SBSN: variants seen among roughly 807,000 people sequenced by gnomAD.
SBSN encodes HLAR698.
In SBSN, 33 loss-of-function variants were observed where a neutral mutation model predicts 42.8. The observed-to-expected ratio is 0.77, with a 90% CI of 0.58 to 1.03. SBSN has a LOEUF of 1.03. SBSN is among the 50% of genes least tolerant of loss of function. The probability of loss-of-function intolerance (pLI) is 0.00; values close to 1 mark genes in which losing one functional copy is unlikely to be tolerated. For missense variants in SBSN, 646 were observed against 757.3 expected, an observed-to-expected ratio of 0.85 and a Z score of 1.72; for synonymous variants, 276 against 307.0, an observed-to-expected ratio of 0.90 and a Z score of 1.06.
Position 35,526,545 on chromosome 19 carries a change from G to A in SBSN, c.1638+99C>T, listed in dbSNP as rs979967154. 3.2e-5 allele frequency: 36 copies of A among 1,118,362 alleles called. No homozygotes were observed. In the Middle Eastern group the frequency reaches 9.1e-4, roughly 28 times the overall value. The allele number at this position is 1,118,362 out of a possible 1,614,324, so 69.3% of individuals were successfully genotyped here. ...GCCCAAGCTTCTTTCACCAAACAAA[G>A]GCTACGCGGACCCCCCCGCCCCGCC... On this transcript the variant is annotated intron_variant, in intron 1 of 3. Coordinates refer to ENST00000452271, the MANE Select transcript of SBSN (RefSeq NM_001166034.2).
At chr19:35,523,967 T>A (rs1291332230) in intron 3 of SBSN, among the ~76,000 whole-genome samples, 1 of 152,152 alleles carries the variant, frequency 6.6e-6, no homozygotes, top group Non-Finnish European at 1.5e-5. Flanking sequence ...TCACTTGAGA[T>A]CAGGAGTTCG....
chr19:35,524,111 C>T (rs1263029380), intron 3 of SBSN, among the ~76,000 whole-genome samples: 2 of 152,198 alleles, frequency 1.3e-5, no homozygotes, highest in African/African-American at 2.4e-5. Flanking sequence ...ACCCAGAAGA[C>T]GGAGGTTGCA....
intron 1 of SBSN, 50 bp from the exon 2 acceptor site, chr19:35,524,974 C>T: frequency 1.3e-6 from 2 of 1,591,298 alleles, no homozygotes; most frequent in Non-Finnish European, 1.7e-6. Flanking sequence ...CGCGGAGGGT[C>T]TCCCAGTTCC....
intron 1 of SBSN, 35 bp downstream of exon 1, chr19:35,526,609 C>T: frequency 7.7e-7 from 1 of 1,292,210 alleles, no homozygotes. Flanking sequence ...CCCCCAACCC[C>T]CCTGTCCCCC....
chr19:35,524,275 C>T (rs778714411), intron 3 of SBSN, among the ~76,000 whole-genome samples: 14 of 152,192 alleles, frequency 9.2e-5, no homozygotes, highest in Non-Finnish European at 1.5e-4. Flanking sequence ...GGTGACCTTG[C>T]ACCAGGGAGA....
rs373195229 is a variant in SBSN, at chr19:35,524,871, C to A, written c.1692G>T (p.Pro564=). ...AGTCCGCGCTTACCCCAGAGGCTAACGGCGTGGTTGTGGCCCCTCCTTGAT... is the reference window on the plus strand; with the variant it reads ...AGTCCGCGCTTACCCCAGAGGCTAAAGGCGTGGTTGTGGCCCCTCCTTGAT... ...SSHQGGATTT[P]LASGASVNTP... The change falls in exon 2 of 4, where the codon CCG becomes CCT. Residue 564 remains proline (P), a synonymous_variant. Transcript: ENST00000452271. The A allele has an allele frequency of 2.8e-5, 45 of 1,613,992 alleles. No homozygotes were observed. The highest frequency in any genetic ancestry group is 3.8e-5 in the Non-Finnish European group (45 of 1,180,012).
chr19:35,526,639 C>A lies in SBSN; in HGVS notation c.1638+5G>T. The A allele has an allele frequency of 1.5e-6, 2 of 1,321,308 alleles. No individual in the cohort carries two copies. The highest frequency in any genetic ancestry group is 2.1e-6 in the Non-Finnish European group (2 of 968,964). 81.8% of individuals were successfully genotyped at this position (1,321,308 alleles called of 1,614,324 possible). A position where few individuals can be genotyped will look rare whatever the true frequency, so the allele number is the denominator to read the frequency against. On this transcript the variant is annotated splice_donor_5th_base_variant and intron_variant, in intron 1 of 3. Transcript: ENST00000452271. ...TCCCCCATCTCCCCATCCCTGTTCA[C>A]CTACATTCAGCAGCTGGTTGGCCTC...
chr19:35,523,661 G>C, intron 3 of SBSN, 128 bp from the exon 4 acceptor site: 1 of 950,614 alleles, frequency 1.1e-6, no homozygotes, highest in South Asian at 1.3e-5. Flanking sequence ...TTATGTTCTG[G>C]GGAAGTTTCA....
At position 35,528,234 on chromosome 19, in the gene SBSN, C is replaced by A. The variant is rs769332034; in HGVS notation, c.48G>T (p.Leu16=). ...TGGCCGCCCATCCAGACAGGGCCCCCAGTAGCAGAAGGAGGGAGCAGGAGC... is the reference window on the plus strand; with the variant it reads ...TGGCCGCCCATCCAGACAGGGCCCCAAGTAGCAGAAGGAGGGAGCAGGAGC... The part of the protein sequence containing the change: ...LVGSCSLLLL[L]GALSGWAASD... Residue 16 remains leucine (L), a synonymous_variant, in exon 1 of 4, where the codon CTG becomes CTT. Transcript: ENST00000452271. 1 of 1,613,744 alleles carries A rather than the reference C, an allele frequency of 6.2e-7. No homozygotes were observed. Among genetic ancestry groups the A allele is most frequent in the Non-Finnish European group, 8.5e-7 (1 of 1,179,980 alleles).
Position 35,526,626 on chromosome 19 carries a change from C to A in SBSN, c.1638+18G>T. On this transcript the variant is annotated intron_variant, in intron 1 of 3. Transcript: ENST00000452271. ...CCCAACCCCCCTGTCCCCCATCTCC[C>A]CATCCCTGTTCACCTACATTCAGCA... is the stretch of plus-strand genomic sequence containing the variant. The A allele has an allele frequency of 6.3e-7, 1 of 1,581,696 alleles. No individual in the cohort carries two copies. Among genetic ancestry groups the A allele is most frequent in the South Asian group, 1.2e-5 (1 of 85,790 alleles).
Position 35,528,148 on chromosome 19 carries a change from C to G in SBSN, c.134G>C (p.Arg45Thr). Residue 45 changes from arginine to threonine, a missense_variant, in exon 1 of 4, where the codon AGA becomes ACA. Arg to Thr is a moderately conservative substitution (Grantham distance 71). This residue lies in a region of SBSN where 190 missense variants were observed against 197.1 expected (regional missense o/e 0.96). Transcript: ENST00000452271. ...GCCATCCAGGGCCTTGCCCACCTCT[C>G]TCTCTGCATTGCTCAGCCCTCGGTT... ...GINRGLSNAEREVGKALDGIN... is the reference protein window; with the variant it reads ...GINRGLSNAETEVGKALDGIN... 6.2e-7 allele frequency: 1 copy of G among 1,614,164 alleles called. No individual in the cohort carries two copies. Among genetic ancestry groups the G allele is most frequent in the Non-Finnish European group, 8.5e-7 (1 of 1,180,038 alleles).
In SBSN at chr19:35,528,253, C is replaced by A; in HGVS notation, c.29G>T (p.Cys10Phe). 1 of 1,612,698 alleles carries A rather than the reference C, an allele frequency of 6.2e-7. No homozygotes were observed. The highest frequency in any genetic ancestry group is 8.5e-7 in the Non-Finnish European group (1 of 1,179,738). Residue 10 changes from cysteine to phenylalanine, a missense_variant, in exon 1 of 4, where the codon TGC (cysteine) becomes TTC (phenylalanine). By Grantham distance (205) the Cys-to-Phe change is radical. This residue lies in a region of SBSN where 190 missense variants were observed against 197.1 expected (regional missense o/e 0.96). Coordinates refer to ENST00000452271, the MANE Select transcript of SBSN (RefSeq NM_001166034.2). ...GGCCCCCAGTAGCAGAAGGAGGGAG[C>A]AGGAGCCGACCAGACGTGCAAGATG... Reference protein sequence around the residue: MHLARLVGSCSLLLLLGALS... With the variant: MHLARLVGSFSLLLLLGALS...
chr19:35,525,916 C>G (rs2071364871), intron 1 of SBSN, among the ~76,000 whole-genome samples: 2 of 152,174 alleles, frequency 1.3e-5, no homozygotes, highest in African/African-American at 4.8e-5. Context: ...CTCCTGAGCT[C>G]AAGTGATCCA....
At position 35,527,219 on chromosome 19, in the gene SBSN, G is replaced by A; in HGVS notation, c.1063C>T (p.His355Tyr). Residue 355 changes from histidine to tyrosine, a missense_variant, in exon 1 of 4, where the codon CAC (histidine) becomes TAC (tyrosine). His to Tyr is a moderately conservative substitution (Grantham distance 83, BLOSUM62 2). Coordinates refer to ENST00000452271, the MANE Select transcript of SBSN (RefSeq NM_001166034.2). ...KETEKFGQGV[H>Y]HAASQFGKET... ...TTCCCAAACTGACTGGCAGCATGGT[G>A]GACCCCCTGGCCAAACTTCTCTGTC... 6.5e-7 allele frequency: 1 copy of A among 1,536,208 alleles called. No homozygotes were observed. The highest frequency in any genetic ancestry group is 8.7e-7 in the Non-Finnish European group (1 of 1,146,520).
At position 35,527,025 on chromosome 19, in the gene SBSN, C is replaced by T. The variant is rs779047363; in HGVS notation, c.1257G>A (p.Ala419=). ...HHGVSQAGRE[A]GQFGHDIHHT... is the part of the protein sequence containing the mutation. Reference sequence around the variant, plus strand: ...GGTGAATGTCGTGGCCAAACTGCCCCGCCTCCCTTCCAGCCTGACTAACGC... The same window carrying T: ...GGTGAATGTCGTGGCCAAACTGCCCTGCCTCCCTTCCAGCCTGACTAACGC... Residue 419 remains alanine, a synonymous_variant, in exon 1 of 4, where the codon GCG becomes GCA. Coordinates refer to ENST00000452271, the MANE Select transcript of SBSN (RefSeq NM_001166034.2). The T allele has an allele frequency of 3.6e-5, 56 of 1,542,728 alleles. 1 individual carries two copies. The highest frequency in any genetic ancestry group is 1.6e-4 in the Admixed American group (8 of 50,846).
Position 35,528,176 on chromosome 19 carries a change from T to C in SBSN, c.106A>G (p.Ile36Val). The part of the protein sequence containing the change: ...DDPIEKVIEG[I>V]NRGLSNAERE... ...TCTGCATTGCTCAGCCCTCGGTTGA[T>C]CCCTTCAATGACCTTCTCAATGGGG... Residue 36 changes from isoleucine (I) to valine (V), a missense_variant, in exon 1 of 4, where the codon ATC becomes GTC. By Grantham distance (29) the Ile-to-Val change is conservative. Transcript: ENST00000452271. 6.2e-7 allele frequency: 1 copy of C among 1,614,042 alleles called. No individual in the cohort carries two copies. The highest frequency in any genetic ancestry group is 8.5e-7 in the Non-Finnish European group (1 of 1,179,996).
At position 35,524,899 on chromosome 19, in the gene SBSN, C is replaced by T. The variant is rs1230334648; in HGVS notation, c.1664G>A (p.Ser555Asn). The T allele has an allele frequency of 6.2e-7, 1 of 1,613,966 alleles. No individual in the cohort carries two copies. Reference protein sequence around the residue: ...LNGNHQSGSSSHQGGATTTPL... With the variant: ...LNGNHQSGSSNHQGGATTTPL... The stretch of plus-strand genomic sequence containing the variant: ...CGTGGTTGTGGCCCCTCCTTGATGG[C>T]TGGAAGATCCGCTTTGATGGTTGCC... The change falls in exon 2 of 4, where the codon AGC becomes AAC. Residue 555 changes from serine (S) to asparagine (N), a missense_variant. By Grantham distance (46) the Ser-to-Asn change is conservative (BLOSUM62 1). Coordinates refer to ENST00000452271, the MANE Select transcript of SBSN (RefSeq NM_001166034.2).
At position 35,528,047 on chromosome 19, in the gene SBSN, T is replaced by C; in HGVS notation, c.235A>G (p.Thr79Ala). ...ACGCCTTTGTCCAACTCCTTGCCGG[T>C]GTGGCTCCCCATGTTGCTAAGTCCG... ...FNGLSNMGSH[T>A]GKELDKGVQG... The change falls in exon 1 of 4, where the codon ACC becomes GCC. Residue 79 changes from threonine to alanine, a missense_variant. Transcript: ENST00000452271. 6.2e-7 allele frequency: 1 copy of C among 1,613,908 alleles called. No homozygotes were observed.
intron 1 of SBSN, among the ~76,000 whole-genome samples, chr19:35,525,724 C>T (rs1179701169): frequency 6.6e-6 from 1 of 152,044 alleles, no homozygotes. Flanking sequence ...ACTCTGTTGC[C>T]CAGGCTGGAG....
Sources: gnomAD v4.1 joint callset for allele counts (sites outside exome capture counted in the v4.1 genomes callset) on GRCh38, gnomAD v4.1.1 for gene constraint, gnomAD v4.1.1 regional missense constraint, MANE v1.5 for transcripts, NCBI Gene and HGNC (gene_info 2026-07-23, HGNC 2026-07-21) for gene names.